Variants in TMPRSS2 observed in about 807,000 individuals in gnomAD.
The protein encoded by TMPRSS2 is transmembrane protease serine 2.
A neutral mutation model predicts 67.4 loss-of-function variants in TMPRSS2; 59 were observed. The observed-to-expected ratio is 0.88, with a 90% CI of 0.71 to 1.09. The LOEUF (loss-of-function observed/expected upper bound fraction) is 1.09. TMPRSS2 is among the 50% of genes least tolerant of loss of function. TMPRSS2 has a pLI of 0.00. For synonymous variants in TMPRSS2, 257 were observed against 257.0 expected (o/e 1.00, Z 0.00); for missense variants, 668 against 642.7 (o/e 1.04, Z -0.43).
chr21:41,494,285 GA>G lies in TMPRSS2; in HGVS notation c.238+70del. On this transcript the variant is annotated intron_variant, in intron 3 of 13. Transcript: ENST00000332149. ...GGTGGCGACAGTGGTGTTGGGAGCA[GA>G]GAGCCCACTGGGGAGGTAGACCCGG... 8 of 1,517,898 alleles carry G rather than the reference GA, an allele frequency of 5.3e-6. No individual in the cohort carries two copies. The South Asian group carries it at 9.4e-5, about 18-fold the overall frequency. The allele number at this position is 1,517,898 out of a possible 1,614,324, so 94.0% of individuals were successfully genotyped here. A position where few individuals can be genotyped will look rare whatever the true frequency, so the allele number is the denominator to read the frequency against.
At chr21:41,471,713 C>T in intron 10 of TMPRSS2, 93 bp downstream of exon 10, 3 of 1,427,272 alleles carry the variant, frequency 2.1e-6, no homozygotes, top group Non-Finnish European at 2.8e-6. Context: ...ACGCAAATGC[C>T]TCCCTTCCAT....
chr21:41,495,498 G>A lies in TMPRSS2; in HGVS notation c.16-920C>T, dbSNP rs114911304. On this transcript the variant is annotated intron_variant, in intron 2 of 13. Transcript: ENST00000332149. ...AAATTAGCCGGATATGGTGGTGCACGCCTATAGTTCCAGCTGCTTGGGAGG... is the reference window on the plus strand; with the variant it reads ...AAATTAGCCGGATATGGTGGTGCACACCTATAGTTCCAGCTGCTTGGGAGG... Among the ~76,000 whole-genome samples the A allele has an allele frequency of 4.5e-3, 689 of 152,042 alleles. 4 individuals carry two copies. Among genetic ancestry groups the A allele is most frequent in the African/African-American group, 0.016 (655 of 41,454 alleles).
At chr21:41,477,138 T>C (rs1241984392) in intron 7 of TMPRSS2, among the ~76,000 whole-genome samples, 1 of 152,252 alleles carries the variant, frequency 6.6e-6, no homozygotes, top group African/African-American at 2.4e-5. Context: ...CATTTTGTCC[T>C]GCAGTGAATT....
intron 1 of TMPRSS2, among the ~76,000 whole-genome samples, chr21:41,507,699 G>A (rs1178592266): frequency 2.0e-5 from 3 of 152,224 alleles, no homozygotes; most frequent in East Asian, 3.8e-4. Flanking sequence ...AAGGCGCACC[G>A]GTGCTCCCAG....
Position 41,476,599 on chromosome 21 carries a change from T to A in TMPRSS2, c.705A>T (p.Ala235=), listed in dbSNP as rs2091215254. The A allele has an allele frequency of 6.2e-7, 1 of 1,608,498 alleles. No homozygotes were observed. Among genetic ancestry groups the A allele is most frequent in the African/African-American group, 1.4e-5 (1 of 73,252 alleles). The change falls in exon 8 of 14, where the codon GCA becomes GCT. Residue 235 remains alanine (A), a synonymous_variant. Coordinates refer to ENST00000332149, the MANE Select transcript of TMPRSS2 (RefSeq NM_005656.4). ...LYHSDACSSK[A]VVSLRCIACG... ...TACCTATACAGCGTAAAGAAACCACTGCTTTTGAAGAACAGGCATCACTGC... is the reference window on the plus strand; with the variant it reads ...TACCTATACAGCGTAAAGAAACCACAGCTTTTGAAGAACAGGCATCACTGC...
In TMPRSS2 at chr21:41,494,426, G is replaced by A. The variant is rs775958363; in HGVS notation, c.168C>T (p.Val56=). The A allele has an allele frequency of 6.2e-7, 1 of 1,612,288 alleles. No individual in the cohort carries two copies. Reference sequence around the variant, plus strand: ...CGACGGGGTTGGAAGCCTGCGTCAGGACCCTCGGGGCGTACTGGGGCACGG... The same window carrying A: ...CGACGGGGTTGGAAGCCTGCGTCAGAACCCTCGGGGCGTACTGGGGCACGG... ...PSPVPQYAPR[V]LTQASNPVVC... Residue 56 remains valine (V), a synonymous_variant, in exon 3 of 14, where the codon GTC becomes GTT. Coordinates refer to ENST00000332149, the MANE Select transcript of TMPRSS2 (RefSeq NM_005656.4).
At chr21:41,476,422 C>T (rs944708103) in intron 8 of TMPRSS2, among the ~76,000 whole-genome samples, 155 bp downstream of exon 8, 8 of 152,138 alleles carry the variant, frequency 5.3e-5, no homozygotes, top group Non-Finnish European at 8.8e-5. Context: ...AAACCAGGAG[C>T]TCCTTGGAAA....
rs371020678 is a variant in TMPRSS2, at chr21:41,490,109, C to T, written c.239-516G>A. On this transcript the variant is annotated intron_variant, in intron 3 of 13. Transcript: ENST00000332149. ...GTTGCAGTGAGCCGAGATCACACCA[C>T]TGCACTCCAGCCTGGGCGACAGAGC... Among the ~76,000 whole-genome samples the T allele has an allele frequency of 1.0e-4, 15 of 147,720 alleles. No homozygotes were observed. The South Asian group carries it at 3.0e-3, about 29-fold the overall frequency.
At chr21:41,504,767 C>T (rs2091446394) in intron 1 of TMPRSS2, among the ~76,000 whole-genome samples, 1 of 152,174 alleles carries the variant, frequency 6.6e-6, no homozygotes, top group South Asian at 2.1e-4. Context: ...GCTTGCAAGT[C>T]AGGGCTTCCC....
chr21:41,500,397 T>C (rs2091416044), intron 1 of TMPRSS2, among the ~76,000 whole-genome samples: 1 of 152,216 alleles, frequency 6.6e-6, no homozygotes, highest in Admixed American at 6.5e-5. Flanking sequence ...TCGGTAAGTA[T>C]TCCCAGGCTA....
intron 9 of TMPRSS2, 118 bp from the exon 10 acceptor site, chr21:41,472,099 A>C: frequency 1.0e-6 from 1 of 995,030 alleles, no homozygotes; most frequent in South Asian, 1.9e-5. Flanking sequence ...TTCACCAAAA[A>C]CCACACAGGG....
intron 3 of TMPRSS2, among the ~76,000 whole-genome samples, chr21:41,493,625 G>C (rs1162702485): frequency 6.6e-6 from 1 of 152,256 alleles, no homozygotes; most frequent in East Asian, 1.9e-4. Flanking sequence ...AGCCACTGCT[G>C]TGCGGGTTCC....
At chr21:41,499,642 C>T (rs1041898578) in intron 1 of TMPRSS2, among the ~76,000 whole-genome samples, 5 of 152,176 alleles carry the variant, frequency 3.3e-5, no homozygotes, top group African/African-American at 1.2e-4. Context: ...CAACCCCACC[C>T]TGATCCTTGG....
chr21:41,484,974 C>A (rs79243099), intron 5 of TMPRSS2, among the ~76,000 whole-genome samples: 1,607 of 152,074 alleles, frequency 0.011, 29 homozygotes, highest in African/African-American at 0.036. Context: ...CGCAGAAATA[C>A]CTGTGCTTCT....
chr21:41,468,530 AG>A lies in TMPRSS2; in HGVS notation c.1179del (p.Ser394GlnfsTer4), dbSNP rs2091103739. 1 of 1,613,928 alleles carries A rather than the reference AG, an allele frequency of 6.2e-7. No homozygotes were observed. The highest frequency in any genetic ancestry group is 1.1e-5 in the South Asian group (1 of 91,086). On this transcript the variant is annotated frameshift_variant, in exon 12 of 14. Transcript: ENST00000332149. LOFTEE classifies it high-confidence loss of function. The stretch of plus-strand genomic sequence containing the variant: ...ACCTTGGCAGCGTTCAGCACTTCTG[AG>A]GTCTTCCCTAAGGACAGGGAGACTT... Reference protein sequence around the residue: ...GWGATEEKGKTSEVLNAAKVL... With the variant: ...GWGATEEKGKXSEVLNAAKVL...
intron 11 of TMPRSS2, 115 bp downstream of exon 11, chr21:41,470,533 A>T: frequency 2.0e-6 from 2 of 987,744 alleles, no homozygotes; most frequent in Non-Finnish European, 3.0e-6. Context: ...GGAATCAACC[A>T]AAGTCATCCA....
chr21:41,467,664 C>T lies in TMPRSS2; in HGVS notation c.1467+70G>A, dbSNP rs138765307. 2,705 of 1,569,116 alleles carry T rather than the reference C, an allele frequency of 1.7e-3. 7 individuals are homozygous for T. The highest frequency in any genetic ancestry group is 2.2e-3 in the Admixed American group (130 of 58,672). On this transcript the variant is annotated intron_variant, in intron 13 of 13. Coordinates refer to ENST00000332149, the MANE Select transcript of TMPRSS2 (RefSeq NM_005656.4). Reference sequence around the variant, plus strand: ...CAGTCAGCTTCCAGCAGCAGAACCACGCCTAACAGATGTCTGGCTTTGGCT... The same window carrying T: ...CAGTCAGCTTCCAGCAGCAGAACCATGCCTAACAGATGTCTGGCTTTGGCT...
At position 41,476,624 on chromosome 21, in the gene TMPRSS2, C is replaced by A; in HGVS notation, c.684-4G>T. On this transcript the variant is annotated splice_region_variant and splice_polypyrimidine_tract_variant and intron_variant, in intron 7 of 13. Transcript: ENST00000332149. ...TGCTTTTGAAGAACAGGCATCACTGCAAAAAGAACAGGGGAAATTCTGGTC... is the reference window on the plus strand; with the variant it reads ...TGCTTTTGAAGAACAGGCATCACTGAAAAAAGAACAGGGGAAATTCTGGTC... The A allele has an allele frequency of 6.7e-7, 1 of 1,489,388 alleles. No individual in the cohort carries two copies. Among genetic ancestry groups the A allele is most frequent in the Non-Finnish European group, 9.0e-7 (1 of 1,113,890 alleles). 92.3% of individuals were successfully genotyped at this position (1,489,388 alleles called of 1,614,324 possible).
chr21:41,472,675 G>C (rs2091145242), intron 9 of TMPRSS2, among the ~76,000 whole-genome samples: 1 of 152,206 alleles, frequency 6.6e-6, no homozygotes, highest in Non-Finnish European at 1.5e-5. Flanking sequence ...GACGTTGAGT[G>C]AATCGTCTAA....
Sources: gnomAD v4.1 joint callset for allele counts (sites outside exome capture counted in the v4.1 genomes callset) on GRCh38, gnomAD v4.1.1 for gene constraint, MANE v1.5 for transcripts, NCBI Gene and HGNC (gene_info 2026-07-23, HGNC 2026-07-21) for gene names.